Variants in TRPC6 observed in about 807,000 individuals in gnomAD.
The protein encoded by TRPC6 is transient receptor potential cation channel subfamily C member 6, also known as short transient receptor potential channel 6.
Under a neutral mutation model 90.7 loss-of-function variants are expected in TRPC6, and 55 were observed. That is an observed-to-expected ratio of 0.61 (90% CI 0.49 to 0.76). The LOEUF (loss-of-function observed/expected upper bound fraction) is 0.76, where lower values mean the gene tolerates loss of function less well. TRPC6 is among the 30% of genes least tolerant of loss of function. The probability of loss-of-function intolerance (pLI) is 0.00; values close to 1 mark genes in which losing one functional copy is unlikely to be tolerated. For synonymous variants in TRPC6, 393 were observed against 393.0 expected (o/e 1.00, Z 0.00); for missense variants, 989 against 1,122.7 (o/e 0.88, Z 1.70).
chr11:101,455,205 T>C, intron 10 of TRPC6, 104 bp from the exon 11 acceptor site: 1 of 886,356 alleles, frequency 1.1e-6, no homozygotes, highest in Non-Finnish European at 1.8e-6. Context: ...CATACACAAA[T>C]TATCTATATG....
At chr11:101,505,300 T>G (rs1232587503) in intron 1 of TRPC6, among the ~76,000 whole-genome samples, 4 of 152,188 alleles carry the variant, frequency 2.6e-5, no homozygotes, top group African/African-American at 9.6e-5. Flanking sequence ...ATAGATGCTT[T>G]TTCCTGCCTC....
intron 1 of TRPC6, among the ~76,000 whole-genome samples, chr11:101,539,592 T>C (rs76129809): frequency 3.5e-4 from 54 of 152,344 alleles, no homozygotes; most frequent in African/African-American, 1.3e-3. Context: ...AACAGTTACC[T>C]TGGCTGTTTA....
chr11:101,564,526 C>A (rs934983089), intron 1 of TRPC6, among the ~76,000 whole-genome samples: 1 of 152,030 alleles, frequency 6.6e-6, no homozygotes, highest in Non-Finnish European at 1.5e-5. Context: ...TCATTGTCTT[C>A]CTCCTGAATT....
intron 10 of TRPC6, among the ~76,000 whole-genome samples, chr11:101,458,453 G>A (rs1287030308): frequency 6.6e-6 from 1 of 152,158 alleles, no homozygotes; most frequent in African/African-American, 2.4e-5. Context: ...GGTGGAACAG[G>A]GCAGTTATTC....
intron 1 of TRPC6, among the ~76,000 whole-genome samples, chr11:101,557,388 C>G (rs1170042970): frequency 1.3e-5 from 2 of 151,946 alleles, no homozygotes; most frequent in Non-Finnish European, 2.9e-5. Flanking sequence ...ATATGAGAAG[C>G]CCACAGCTAA....
chr11:101,573,499 A>G (rs2136891955), intron 1 of TRPC6, among the ~76,000 whole-genome samples: 1 of 152,288 alleles, frequency 6.6e-6, no homozygotes, highest in Non-Finnish European at 1.5e-5. Flanking sequence ...CAAATAAGCT[A>G]ATGTAAATAA....
chr11:101,561,740 A>AT (rs1449966045), intron 1 of TRPC6, among the ~76,000 whole-genome samples: 1 of 151,954 alleles, frequency 6.6e-6, no homozygotes, highest in Non-Finnish European at 1.5e-5. Flanking sequence ...ATCATGTTAA[A>AT]TGGGAAAGAA....
At chr11:101,566,455 G>C (rs899993776) in intron 1 of TRPC6, among the ~76,000 whole-genome samples, 1 of 151,962 alleles carries the variant, frequency 6.6e-6, no homozygotes, top group Admixed American at 6.5e-5. Context: ...ATCCCCATAG[G>C]TATTCTATCA....
chr11:101,534,138 T>C (rs1217779879), intron 1 of TRPC6, among the ~76,000 whole-genome samples: 1 of 151,978 alleles, frequency 6.6e-6, no homozygotes, highest in African/African-American at 2.4e-5. Context: ...CTTCCTTCCC[T>C]CTCTTCTCTC....
intron 1 of TRPC6, among the ~76,000 whole-genome samples, chr11:101,560,713 G>A (rs1166497769): frequency 2.0e-5 from 3 of 152,096 alleles, no homozygotes; most frequent in Non-Finnish European, 4.4e-5. Flanking sequence ...GCAACCCGGA[G>A]TGCAGAGGAA....
chr11:101,478,720 T>C (rs773815544), intron 5 of TRPC6, among the ~76,000 whole-genome samples: 3 of 152,146 alleles, frequency 2.0e-5, no homozygotes, highest in Admixed American at 6.5e-5. Context: ...TCTGCTCGTA[T>C]AGATCTTGCG....
chr11:101,472,210 T>G lies in TRPC6; in HGVS notation c.2132A>C (p.Tyr711Ser). 1 of 1,613,176 alleles carries G rather than the reference T, an allele frequency of 6.2e-7. No individual in the cohort carries two copies. The highest frequency in any genetic ancestry group is 8.5e-7 in the Non-Finnish European group (1 of 1,179,526). The change falls in exon 8 of 13, where the codon TAT becomes TCT. Residue 711 changes from tyrosine (Y) to serine (S), a missense_variant. Physicochemically the swap from Tyr to Ser is moderately radical, Grantham distance 144 (BLOSUM62 -2). This residue lies in a region of TRPC6 where 118 missense variants were observed against 197.6 expected (regional missense o/e 0.60). Coordinates refer to ENST00000344327, the MANE Select transcript of TRPC6 (RefSeq NM_004621.6). ...CAAAACAATGACCATCGTAACATTA[T>G]AGACTCCATAAAGAACGTAACCAAT... ...ENIGYVLYGV[Y>S]NVTMVIVLLN...
intron 1 of TRPC6, among the ~76,000 whole-genome samples, chr11:101,535,357 C>T (rs1171877650): frequency 6.6e-6 from 1 of 151,440 alleles, no homozygotes; most frequent in Middle Eastern, 3.2e-3. Context: ...TTTATGGATA[C>T]CTTAGTTACT....
chr11:101,539,526 G>GAC (rs1861125644), intron 1 of TRPC6, among the ~76,000 whole-genome samples: 1 of 152,146 alleles, frequency 6.6e-6, no homozygotes, highest in Non-Finnish European at 1.5e-5. Context: ...GGGTTGTGGA[G>GAC]ACACCTTGTC....
chr11:101,583,273 G>C (rs1039190055), intron 1 of TRPC6, 61 bp downstream of exon 1: 115 of 1,525,134 alleles, frequency 7.5e-5, no homozygotes, highest in Non-Finnish European at 9.7e-5. Context: ...CCACTCCTGC[G>C]AGCGCACAAC....
chr11:101,488,408 C>T (rs183792992), intron 4 of TRPC6, among the ~76,000 whole-genome samples: 53 of 152,286 alleles, frequency 3.5e-4, no homozygotes, highest in Non-Finnish European at 6.8e-4. Flanking sequence ...ATATTCTTTA[C>T]TGAAACAAGT....
intron 2 of TRPC6, among the ~76,000 whole-genome samples, chr11:101,493,194 G>A (rs1859869781): frequency 6.6e-6 from 1 of 152,166 alleles, no homozygotes; most frequent in African/African-American, 2.4e-5. Flanking sequence ...GGCCACATTG[G>A]AAGAAGAATT....
At chr11:101,504,926 A>G (rs1565221921) in intron 1 of TRPC6, 128 bp from the exon 2 acceptor site, 10 of 1,061,346 alleles carry the variant, frequency 9.4e-6, no homozygotes, top group Non-Finnish European at 1.2e-5. Flanking sequence ...TAGACCTACT[A>G]TATTATAAAA....
chr11:101,511,822 T>C (rs1390559092), intron 1 of TRPC6, among the ~76,000 whole-genome samples: 4 of 151,908 alleles, frequency 2.6e-5, no homozygotes, highest in Non-Finnish European at 5.9e-5. Flanking sequence ...TGAAACCCTG[T>C]CTCTACTAAA....
Sources: allele counts gnomAD v4.1 joint callset (sites outside exome capture counted in the v4.1 genomes callset), GRCh38; gene constraint gnomAD v4.1.1; regional missense constraint gnomAD v4.1.1; transcripts MANE v1.5; gene names NCBI Gene and HGNC (gene_info 2026-07-23, HGNC 2026-07-21).